Variants in MGLL observed in about 807,000 individuals in gnomAD.
MGLL encodes the protein lysophospholipase homolog.
A neutral mutation model predicts 29.1 loss-of-function variants in MGLL; 7 were observed. The observed-to-expected ratio is 0.24, with a 90% CI of 0.14 to 0.45. The LOEUF is 0.45. Among genes scored for constraint, MGLL ranks in the 20% least tolerant of loss-of-function variants. MGLL has a pLI of 0.99. For synonymous variants in MGLL, 148 were observed against 168.3 expected (o/e 0.88, Z 0.93); for missense variants, 356 against 413.6 (o/e 0.86, Z 1.21).
intron 3 of MGLL, among the ~76,000 whole-genome samples, chr3:127,765,159 G>T (rs1051478649): frequency 3.9e-5 from 6 of 152,156 alleles, no homozygotes; most frequent in Admixed American, 1.3e-4. Flanking sequence ...TCATTTCCTA[G>T]AATTATTCAG....
intron 2 of MGLL, among the ~76,000 whole-genome samples, chr3:127,818,992 G>C (rs549773033): frequency 3.9e-5 from 6 of 152,176 alleles, no homozygotes; most frequent in African/African-American, 1.4e-4. Context: ...GCCAAATGGA[G>C]GTTTAAGTTC....
rs1431246196 is a variant in MGLL, at chr3:127,761,404, GAGGCCTCCCC to G, written c.262+20375_262+20384del. On this transcript the variant is annotated intron_variant, in intron 3 of 7. Coordinates refer to ENST00000265052, the MANE Select transcript of MGLL (RefSeq NM_007283.7). This position sits in a 1 kb window ranked among gnomAD's most constrained non-coding sequence, Gnocchi z 4.6. Reference sequence around the variant, plus strand: ...TGAGAAGCTTTGAGGGACCAGGGTGGAGGCCTCCCCAGGGCTCCTCCTTCTCCAGCAAGCA... The same window carrying G: ...TGAGAAGCTTTGAGGGACCAGGGTGGAGGGCTCCTCCTTCTCCAGCAAGCA... Among the ~76,000 whole-genome samples the G allele has an allele frequency of 3.3e-5, 5 of 152,178 alleles. No individual in the cohort carries two copies. Among genetic ancestry groups the G allele is most frequent in the Admixed American group, 6.5e-5 (1 of 15,282 alleles).
chr3:127,755,420 G>A (rs550678002), intron 3 of MGLL, among the ~76,000 whole-genome samples: 20 of 152,148 alleles, frequency 1.3e-4, no homozygotes, highest in Non-Finnish European at 2.5e-4. Context: ...GCAATCCATC[G>A]CTGTAGGCCC....
At chr3:127,695,291 G>T in intron 6 of MGLL, 101 bp from the exon 7 acceptor site, 2 of 1,227,600 alleles carry the variant, frequency 1.6e-6, no homozygotes, top group Non-Finnish European at 2.3e-6. Context: ...GGCCTGAAGG[G>T]TTGATTCCAT....
At chr3:127,796,147 T>C (rs1234531371) in intron 2 of MGLL, among the ~76,000 whole-genome samples, 2 of 152,202 alleles carry the variant, frequency 1.3e-5, no homozygotes, top group Admixed American at 6.5e-5. Flanking sequence ...TGGAAATGGC[T>C]AATTACAAAC....
chr3:127,743,097 G>C (rs561552060), intron 3 of MGLL, among the ~76,000 whole-genome samples: 47 of 152,214 alleles, frequency 3.1e-4, no homozygotes, highest in Non-Finnish European at 6.3e-4. Context: ...TTACAGGCGT[G>C]AGCCACCGCA....
chr3:127,755,281 C>T, intron 3 of MGLL, among the ~76,000 whole-genome samples: 1 of 152,176 alleles, frequency 6.6e-6, no homozygotes, highest in East Asian at 1.9e-4. Flanking sequence ...ACTCAACGCT[C>T]TTGTAAAAGG....
chr3:127,711,752 C>G (rs1407045889), intron 5 of MGLL: 1 of 143,000 alleles, frequency 7.0e-6, no homozygotes, highest in Non-Finnish European at 1.5e-5. Context: ...TTTTGAGAGT[C>G]TTGCTCTGTC....
At chr3:127,777,523 T>C (rs1258063582) in intron 3 of MGLL, among the ~76,000 whole-genome samples, 1 of 152,236 alleles carries the variant, frequency 6.6e-6, no homozygotes, top group Non-Finnish European at 1.5e-5. Context: ...AAGCTTTGCC[T>C]TCCTGATAGG....
chr3:127,742,564 T>C (rs1012739709), intron 3 of MGLL, among the ~76,000 whole-genome samples: 6 of 112,182 alleles, frequency 5.3e-5, no homozygotes, highest in African/African-American at 2.1e-4. Flanking sequence ...CACTCCAGCC[T>C]GGGAGACAGA....
At chr3:127,721,489 G>A (rs915408790) in intron 4 of MGLL, among the ~76,000 whole-genome samples, 1 of 144,042 alleles carries the variant, frequency 6.9e-6, no homozygotes, top group Non-Finnish European at 1.5e-5. Flanking sequence ...CATCCATCCC[G>A]ACAGGCTTAA....
intron 2 of MGLL, among the ~76,000 whole-genome samples, chr3:127,788,805 T>G (rs1559971451): frequency 6.6e-6 from 1 of 152,210 alleles, no homozygotes; most frequent in Non-Finnish European, 1.5e-5. Flanking sequence ...AGAGATCATG[T>G]TTTATTCATT....
chr3:127,814,482 A>G (rs1389894879), intron 2 of MGLL, among the ~76,000 whole-genome samples: 1 of 152,240 alleles, frequency 6.6e-6, no homozygotes, highest in Non-Finnish European at 1.5e-5. Flanking sequence ...TCCTCCGTGT[A>G]TACAATGACC....
At chr3:127,773,698 T>C (rs1190707815) in intron 3 of MGLL, among the ~76,000 whole-genome samples, 1 of 152,204 alleles carries the variant, frequency 6.6e-6, no homozygotes, top group Non-Finnish European at 1.5e-5. Context: ...GAGTTCAGTA[T>C]GATGCAGACT....
Position 127,710,575 on chromosome 3 carries a change from C to G in MGLL, c.600+1G>C. The stretch of plus-strand genomic sequence containing the variant: ...CCCTGGGGTTTCGGAAAGCCTCTCA[C>G]CTCTGTCTTATTCCGAGAGAGCACG... On this transcript the variant is annotated splice_donor_variant, in intron 6 of 7. Transcript: ENST00000265052. LOFTEE classifies it high-confidence loss of function. 1 of 1,555,350 alleles carries G rather than the reference C, an allele frequency of 6.4e-7. No homozygotes were observed.
intron 3 of MGLL, among the ~76,000 whole-genome samples, chr3:127,724,004 T>C (rs2075985649): frequency 6.6e-6 from 1 of 152,180 alleles, no homozygotes. Flanking sequence ...GGGAAGATTA[T>C]GTGAAGATGC....
At chr3:127,738,126 C>A (rs1465745670) in intron 3 of MGLL, among the ~76,000 whole-genome samples, 1 of 151,740 alleles carries the variant, frequency 6.6e-6, no homozygotes, top group Non-Finnish European at 1.5e-5. Flanking sequence ...ATGGTGAAAC[C>A]CCACCTGTAC....
intron 2 of MGLL, among the ~76,000 whole-genome samples, chr3:127,804,792 C>G (rs1435709664): frequency 1.3e-5 from 2 of 152,150 alleles, no homozygotes; most frequent in African/African-American, 4.8e-5. Context: ...CAGAGAGGCA[C>G]TAGGAGGAAG....
chr3:127,818,092 C>T (rs1011501689), intron 2 of MGLL, among the ~76,000 whole-genome samples: 35 of 152,156 alleles, frequency 2.3e-4, no homozygotes, highest in Admixed American at 2.6e-4. Flanking sequence ...TCCCGAGTAG[C>T]GGGGGCTACA....
Sources: allele counts gnomAD v4.1 joint callset (sites outside exome capture counted in the v4.1 genomes callset), GRCh38; gene constraint gnomAD v4.1.1; non-coding constraint Gnocchi (gnomAD v3.1); transcripts MANE v1.5; gene names NCBI Gene and HGNC (gene_info 2026-07-23, HGNC 2026-07-21).